The following BRWD1 variants were observed in gnomAD, a reference collection of about 807,000 sequenced individuals.
BRWD1 encodes the protein bromodomain and WD repeat domain containing 1, also known as bromodomain and WD repeat-containing protein 1.
A neutral mutation model predicts 251.2 loss-of-function variants in BRWD1; 82 were observed. The ratio of observed to expected loss-of-function variants is 0.33; its 90% CI spans 0.27 to 0.39. The LOEUF (loss-of-function observed/expected upper bound fraction) is 0.39, where lower values mean the gene tolerates loss of function less well. Among genes scored for constraint, BRWD1 ranks in the 10% least tolerant of loss-of-function variants. BRWD1 has a pLI of 1.00. For missense variants in BRWD1, 2,233 were observed against 2,711.6 expected (o/e 0.82, Z 3.92); for synonymous variants, 918 against 902.8 (o/e 1.02, Z -0.30).
chr21:39,309,277 T>C (rs1225100609), intron 4 of BRWD1, among the ~76,000 whole-genome samples: 2 of 121,706 alleles, frequency 1.6e-5, no homozygotes, highest in Admixed American at 9.3e-5. Context: ...AGCGAGTCTT[T>C]TTCTCTAGGG....
intron 11 of BRWD1, among the ~76,000 whole-genome samples, chr21:39,277,029 C>G (rs933396004): frequency 3.3e-5 from 5 of 151,846 alleles, no homozygotes; most frequent in Non-Finnish European, 5.9e-5. Flanking sequence ...TAGAATTCAG[C>G]AAAAATTTAA....
intron 4 of BRWD1, among the ~76,000 whole-genome samples, chr21:39,307,496 T>C (rs562310420): frequency 4.6e-5 from 7 of 152,202 alleles, no homozygotes; most frequent in South Asian, 2.1e-4. Flanking sequence ...TATATGTATA[T>C]ATACTTGTGT....
In BRWD1 at chr21:39,191,964, A is replaced by G. The variant is rs895367134; in HGVS notation, c.*4295T>C. On this transcript the variant is annotated 3_prime_UTR_variant, in exon 41 of 41. Coordinates refer to ENST00000342449, the MANE Select transcript of BRWD1 (RefSeq NM_033656.4). The stretch of plus-strand genomic sequence containing the variant: ...ACTTGAGAAACAGATGTATAGTCTA[A>G]TTATTTACATGTTGCCAAAGATAGA... 1 of 985,238 alleles carries G rather than the reference A, an allele frequency of 1.0e-6. No homozygotes were observed. Among genetic ancestry groups the G allele is most frequent in the Non-Finnish European group, 1.2e-6 (1 of 829,778 alleles). The allele number at this position is 985,238 out of a possible 1,614,324, so 61.0% of individuals were successfully genotyped here.
chr21:39,255,595 A>G (rs1568921114), intron 19 of BRWD1, 50 bp downstream of exon 19: 2 of 1,456,096 alleles, frequency 1.4e-6, no homozygotes, highest in Admixed American at 1.7e-5. Flanking sequence ...TAACCATATA[A>G]ATATATTTTC....
intron 21 of BRWD1, among the ~76,000 whole-genome samples, chr21:39,243,965 CAGAT>C (rs1448226186): frequency 1.3e-5 from 2 of 152,140 alleles, no homozygotes; most frequent in Admixed American, 6.5e-5. Flanking sequence ...TTACACCTGA[CAGAT>C]AGGAGGCATT....
intron 20 of BRWD1, among the ~76,000 whole-genome samples, chr21:39,249,742 C>T (rs886591605): frequency 1.3e-5 from 2 of 152,224 alleles, no homozygotes; most frequent in South Asian, 2.1e-4. Flanking sequence ...GGCAAAAACT[C>T]GTATTAATGA....
At chr21:39,271,223 C>CAA (rs1032277825) in intron 13 of BRWD1, among the ~76,000 whole-genome samples, 6 of 152,216 alleles carry the variant, frequency 3.9e-5, no homozygotes, top group African/African-American at 1.4e-4. Flanking sequence ...ACCTGGGAGA[C>CAA]AGAGTCTGCA....
At chr21:39,227,605 G>C (rs2033433738) in intron 27 of BRWD1, among the ~76,000 whole-genome samples, 1 of 151,954 alleles carries the variant, frequency 6.6e-6, no homozygotes, top group Non-Finnish European at 1.5e-5. Context: ...ATTACATTGA[G>C]GTAATTTTAA....
At position 39,196,641 on chromosome 21, in the gene BRWD1, G is replaced by GT; in HGVS notation, c.6427dup (p.Thr2143AsnfsTer8). 1 of 1,613,708 alleles carries GT rather than the reference G, an allele frequency of 6.2e-7. No individual in the cohort carries two copies. Among genetic ancestry groups the GT allele is most frequent in the Non-Finnish European group, 8.5e-7 (1 of 1,179,820 alleles). On this transcript the variant is annotated frameshift_variant, in exon 41 of 41. Transcript: ENST00000342449. LOFTEE classifies it high-confidence loss of function. The stretch of plus-strand genomic sequence containing the variant: ...AGGTCTAAACTTTGAATTCCCAGTT[G>GT]TTTCAGAGATTTTCACATTTTCCAA...
At chr21:39,296,732 T>C (rs1239469111) in intron 5 of BRWD1, 21 of 752,896 alleles carry the variant, frequency 2.8e-5, no homozygotes, top group East Asian at 2.6e-4. Flanking sequence ...CAGCAAATGA[T>C]TGGTAAAAGA....
intron 9 of BRWD1, among the ~76,000 whole-genome samples, chr21:39,279,410 G>C (rs574833823): frequency 6.6e-6 from 1 of 152,046 alleles, no homozygotes; most frequent in Non-Finnish European, 1.5e-5. Context: ...AGGCCAAGGC[G>C]GGTGGATCAC....
At chr21:39,246,510 G>A (rs1001153734) in intron 21 of BRWD1, among the ~76,000 whole-genome samples, 13 of 152,078 alleles carry the variant, frequency 8.5e-5, no homozygotes, top group East Asian at 5.8e-4. Flanking sequence ...ATCTCCTAGC[G>A]TGACCCAAAA....
chr21:39,258,853 A>C (rs1322446816), intron 17 of BRWD1, among the ~76,000 whole-genome samples, 181 bp from the exon 18 acceptor site: 1 of 152,228 alleles, frequency 6.6e-6, no homozygotes, highest in Non-Finnish European at 1.5e-5. Flanking sequence ...CAAAGCCAAC[A>C]AAAGTCTTCC....
At chr21:39,311,168 T>A (rs180840563) in intron 4 of BRWD1, among the ~76,000 whole-genome samples, 2,784 of 147,700 alleles carry the variant, frequency 0.019, 34 homozygotes, top group Non-Finnish European at 0.03. Context: ...TTTATATAAA[T>A]TTTTTTTTTA....
intron 18 of BRWD1, among the ~76,000 whole-genome samples, chr21:39,257,984 T>C (rs531310724): frequency 3.3e-5 from 5 of 152,310 alleles, no homozygotes; most frequent in Non-Finnish European, 4.4e-5. Context: ...TAATGAAACT[T>C]GTTAATCATA....
intron 17 of BRWD1, among the ~76,000 whole-genome samples, chr21:39,258,924 G>C (rs984107270): frequency 8.5e-5 from 13 of 152,122 alleles, no homozygotes; most frequent in Non-Finnish European, 2.9e-5. Context: ...GCAAGTGGAA[G>C]CATGGAAACA....
intron 1 of BRWD1, among the ~76,000 whole-genome samples, chr21:39,320,258 A>G (rs1568993673): frequency 6.6e-6 from 1 of 152,186 alleles, no homozygotes; most frequent in Non-Finnish European, 1.5e-5. Flanking sequence ...GTGCATATAG[A>G]GACCCTCTCT....
intron 36 of BRWD1, among the ~76,000 whole-genome samples, chr21:39,207,549 C>A (rs1455745842): frequency 6.7e-6 from 1 of 150,220 alleles, no homozygotes; most frequent in Non-Finnish European, 1.5e-5. Context: ...TTATACACTG[C>A]CAGCGGGAAT....
At position 39,313,483 on chromosome 21, in the gene BRWD1, C is replaced by T. The variant is rs956189891; in HGVS notation, c.9G>A (p.Glu3=). The T allele has an allele frequency of 7.5e-6, 10 of 1,341,066 alleles. No homozygotes were observed. Among genetic ancestry groups the T allele is most frequent in the Non-Finnish European group, 9.5e-6 (10 of 1,052,658 alleles). 83.1% of individuals were successfully genotyped at this position (1,341,066 alleles called of 1,614,324 possible). A position where few individuals can be genotyped will look rare whatever the true frequency, so the allele number is the denominator to read the frequency against. ...GCACCGGGCGTCGGGCGGACGACGG[C>T]TCCGCCATGGCCGGGCGCGGGGCGG... MA[E]PSSARRPVPL... is the part of the protein sequence containing the mutation. Residue 3 remains glutamate (E), a synonymous_variant, in exon 1 of 41, where the codon GAG becomes GAA. Transcript: ENST00000342449.
Sources: allele counts gnomAD v4.1 joint callset (sites outside exome capture counted in the v4.1 genomes callset), GRCh38; gene constraint gnomAD v4.1.1; transcripts MANE v1.5; gene names NCBI Gene and HGNC (gene_info 2026-07-23, HGNC 2026-07-21).